Variants in ITPA observed in about 807,000 individuals in gnomAD.
The protein encoded by ITPA is inosine triphosphatase.
A neutral mutation model predicts 29.6 loss-of-function variants in ITPA; 29 were observed. That is an observed-to-expected ratio of 0.98 (90% CI 0.73 to 1.34). ITPA has a LOEUF of 1.34. Among genes scored for constraint, ITPA ranks in the 40% most tolerant of loss-of-function variants. The pLI is 0.00. For missense variants in ITPA, 241 were observed against 251.5 expected, an observed-to-expected ratio of 0.96 and a Z score of 0.28; for synonymous variants, 103 against 99.3, an observed-to-expected ratio of 1.04 and a Z score of -0.22.
chr20:3,207,547 C>A (rs1014785309), upstream of ITPA, among the ~76,000 whole-genome samples: 1 of 151,586 alleles, frequency 6.6e-6, no homozygotes, highest in African/African-American at 2.4e-5. Flanking sequence ...TACAAAAATT[C>A]ACTGGGTGTG....
At chr20:3,204,496 A>G, upstream of ITPA, 1 of 1,534,192 alleles carries the variant, frequency 6.5e-7, no homozygotes, top group African/African-American at 1.4e-5. Flanking sequence ...GAAGGCCAGA[A>G]AACCCGGTAC....
chr20:3,218,699 GC>G, intron 6 of ITPA, 67 bp downstream of exon 6: 1 of 1,244,450 alleles, frequency 8.0e-7, no homozygotes, highest in South Asian at 1.2e-5. Flanking sequence ...CGAGCCGACC[GC>G]CCCGAGTCTG....
At chr20:3,217,980 C>G (rs1349457149) in intron 5 of ITPA, among the ~76,000 whole-genome samples, 1 of 150,792 alleles carries the variant, frequency 6.6e-6, no homozygotes, top group Non-Finnish European at 1.5e-5. Context: ...TGCAGTGGCC[C>G]GATCTCGGCT....
chr20:3,210,047 C>T (rs909803214), intron 1 of ITPA, among the ~76,000 whole-genome samples: 3 of 152,206 alleles, frequency 2.0e-5, no homozygotes, highest in Non-Finnish European at 4.4e-5. Flanking sequence ...ACTGAGCAGT[C>T]CGTGCCTCAC....
At position 3,223,352 on chromosome 20, in the gene ITPA, C is replaced by T; in HGVS notation, c.489-14C>T. ...TGAATCTGGGCTCCCTGAGCTGCTA[C>T]TGTCACCCCTCAGGTACGCAGAGAT... On this transcript the variant is annotated splice_polypyrimidine_tract_variant and intron_variant, in intron 7 of 7. Coordinates refer to ENST00000380113, the MANE Select transcript of ITPA (RefSeq NM_033453.4). The T allele has an allele frequency of 6.2e-7, 1 of 1,606,336 alleles. No homozygotes were observed. The highest frequency in any genetic ancestry group is 8.5e-7 in the Non-Finnish European group (1 of 1,173,786).
At chr20:3,213,462 G>C (rs549041787) in intron 3 of ITPA, 79 bp downstream of exon 3, 6 of 1,547,594 alleles carry the variant, frequency 3.9e-6, no homozygotes, top group Non-Finnish European at 1.8e-6. Context: ...AGAAACAATA[G>C]AGTAGACACA....
upstream of ITPA, among the ~76,000 whole-genome samples, chr20:3,205,991 C>T (rs1480853089): frequency 9.4e-5 from 13 of 138,040 alleles, no homozygotes; most frequent in Middle Eastern, 4.3e-3. Context: ...AGGGGGCGGA[C>T]GTTGCAGTGA....
At chr20:3,224,388 T>C (rs984189601), downstream of ITPA, among the ~76,000 whole-genome samples, 1 of 152,130 alleles carries the variant, frequency 6.6e-6, no homozygotes, top group Non-Finnish European at 1.5e-5. Flanking sequence ...GTCAGAGTGC[T>C]CAACCCCAAG....
At chr20:3,219,417 T>A (rs1269572437) in intron 6 of ITPA, among the ~76,000 whole-genome samples, 1 of 151,998 alleles carries the variant, frequency 6.6e-6, no homozygotes, top group African/African-American at 2.4e-5. Flanking sequence ...AAGATCAGCC[T>A]GGACACCATA....
At chr20:3,216,818 C>T in intron 5 of ITPA, among the ~76,000 whole-genome samples, 1 of 152,108 alleles carries the variant, frequency 6.6e-6, no homozygotes, top group East Asian at 1.9e-4. Flanking sequence ...AAACACCTGA[C>T]CTCAGGTGGT....
chr20:3,213,074 A>G (rs1281513891), intron 1 of ITPA, 95 bp from the exon 2 acceptor site: 2 of 1,285,628 alleles, frequency 1.6e-6, no homozygotes, highest in African/African-American at 2.9e-5. Context: ...GGAGATGGGC[A>G]GCAGAGTTAT....
rs759942180 is a variant in ITPA at position 3,214,002 on chromosome 20, G to C, written c.207G>C (p.Leu69=). The change falls in exon 4 of 8, where the codon CTG becomes CTC. Residue 69 remains leucine (L), a synonymous_variant. Coordinates refer to ENST00000380113, the MANE Select transcript of ITPA (RefSeq NM_033453.4). ...EAVRQVQGPV[L]VEDTCLCFNA... is the part of the protein sequence containing the mutation. ...TGCTGCAGGTACAGGGGCCCGTGCT[G>C]GTTGAGGACACTTGTCTGTGCTTCA... 6.2e-7 allele frequency: 1 copy of C among 1,614,186 alleles called. No homozygotes were observed. Among genetic ancestry groups the C allele is most frequent in the East Asian group, 2.2e-5 (1 of 44,880 alleles).
chr20:3,224,414 C>T (rs1340210353), downstream of ITPA, among the ~76,000 whole-genome samples: 1 of 151,932 alleles, frequency 6.6e-6, no homozygotes, highest in Admixed American at 6.5e-5. Flanking sequence ...TCAAGGGGGG[C>T]GTGATGGGCT....
upstream of ITPA, chr20:3,204,633 G>T: frequency 6.3e-7 from 1 of 1,576,222 alleles, no homozygotes. Flanking sequence ...ACCATGACGA[G>T]GGCCTCAGTG....
downstream of ITPA, among the ~76,000 whole-genome samples, chr20:3,224,075 G>A (rs544474452): frequency 6.5e-4 from 99 of 152,318 alleles, no homozygotes; most frequent in Middle Eastern, 3.4e-3. Context: ...CCCCCCACCC[G>A]CAGGTAGTGC....
chr20:3,215,092 CCTG>C (rs2067262538), intron 4 of ITPA, 186 bp from the exon 5 acceptor site: 2 of 620,878 alleles, frequency 3.2e-6, no homozygotes, highest in East Asian at 5.7e-5. Flanking sequence ...TTCTCAAACT[CCTG>C]AGCTCAAGCG....
At position 3,213,073 on chromosome 20, in the gene ITPA, CA is replaced by C. The variant is rs2067209600; in HGVS notation, c.67-95del. The C allele has an allele frequency of 3.9e-5, 50 of 1,279,460 alleles. 1 individual carries two copies. In the South Asian group the frequency reaches 5.9e-4, roughly 15 times the overall value. 79.3% of individuals were successfully genotyped at this position (1,279,460 alleles called of 1,614,324 possible). On this transcript the variant is annotated intron_variant, in intron 1 of 7. Transcript: ENST00000380113. ...GAGTTGGTAAGCTTTAGGAGATGGGCAGCAGAGTTATCGATGAGAAAGGCGG... is the reference window on the plus strand; with the variant it reads ...GAGTTGGTAAGCTTTAGGAGATGGGCGCAGAGTTATCGATGAGAAAGGCGG...
upstream of ITPA, among the ~76,000 whole-genome samples, chr20:3,208,167 G>A (rs1162038677): frequency 1.3e-5 from 2 of 151,158 alleles, no homozygotes. Flanking sequence ...TTCCTGAGCT[G>A]GGGCTTGAGC....
upstream of ITPA, chr20:3,204,604 C>G: frequency 6.3e-7 from 1 of 1,590,314 alleles, no homozygotes; most frequent in Non-Finnish European, 8.5e-7. Context: ...CCGCCGCTAC[C>G]AAGTACCACA....
Sources: gnomAD v4.1 joint callset for allele counts (sites outside exome capture counted in the v4.1 genomes callset) on GRCh38, gnomAD v4.1.1 for gene constraint, MANE v1.5 for transcripts, NCBI Gene and HGNC (gene_info 2026-07-23, HGNC 2026-07-21) for gene names.